The following KCNJ6 variants were observed in gnomAD, a reference collection of about 807,000 sequenced individuals.
KCNJ6 encodes potassium inwardly rectifying channel subfamily J member 6.
KCNJ6 carries 9 observed loss-of-function variants against 34.2 expected under a neutral mutation model. The observed-to-expected ratio is 0.26, with a 90% confidence interval of 0.16 to 0.46. The LOEUF is 0.46. Ranked by LOEUF, KCNJ6 falls within the 20% of genes least tolerant of loss-of-function variation. The pLI, the probability that KCNJ6 is intolerant of heterozygous loss-of-function variation, is 1.00. For missense variants in KCNJ6, 236 were observed against 531.3 expected (o/e 0.44, Z 5.46); for synonymous variants, 196 against 207.1 (o/e 0.95, Z 0.46).
chr21:37,795,310 G>A (rs1184673432), intron 2 of KCNJ6, among the ~76,000 whole-genome samples: 1 of 152,176 alleles, frequency 6.6e-6, no homozygotes, highest in Non-Finnish European at 1.5e-5. Flanking sequence ...TTCGGGTGAT[G>A]GAAGGTCACT....
At chr21:37,687,435 C>T (rs1601419886) in intron 3 of KCNJ6, among the ~76,000 whole-genome samples, 1 of 152,178 alleles carries the variant, frequency 6.6e-6, no homozygotes, top group Admixed American at 6.5e-5. Flanking sequence ...TTCATGTCTC[C>T]GTGCCATCTT....
chr21:37,645,222 C>A (rs1165466717), intron 3 of KCNJ6, among the ~76,000 whole-genome samples: 1 of 151,832 alleles, frequency 6.6e-6, no homozygotes, highest in Non-Finnish European at 1.5e-5. Context: ...TAAAATAAAA[C>A]AAATTTAGCT....
At chr21:37,802,225 G>C (rs2055272729) in intron 2 of KCNJ6, among the ~76,000 whole-genome samples, 1 of 152,150 alleles carries the variant, frequency 6.6e-6, no homozygotes, top group South Asian at 2.1e-4. Context: ...GTTGTTGCAG[G>C]GGGGAACACC....
intron 3 of KCNJ6, among the ~76,000 whole-genome samples, chr21:37,634,024 GACTC>G (rs2054345696): frequency 1.3e-5 from 2 of 152,154 alleles, no homozygotes; most frequent in Non-Finnish European, 2.9e-5. Flanking sequence ...AAACTGTAGG[GACTC>G]ACTCTATTAG....
At chr21:37,865,721 T>C (rs1252731508) in intron 1 of KCNJ6, among the ~76,000 whole-genome samples, 1 of 152,228 alleles carries the variant, frequency 6.6e-6, no homozygotes. Context: ...TGTCTGGTTT[T>C]TATGGGGTGG....
intron 2 of KCNJ6, among the ~76,000 whole-genome samples, chr21:37,829,858 C>A (rs975659918): frequency 4.6e-5 from 7 of 152,168 alleles, no homozygotes; most frequent in African/African-American, 1.7e-4. Context: ...CAGAGCCGGG[C>A]TTTCCATTAC....
chr21:37,816,004 C>T (rs1273870624), intron 2 of KCNJ6, among the ~76,000 whole-genome samples: 2 of 152,166 alleles, frequency 1.3e-5, no homozygotes, highest in African/African-American at 4.8e-5. Flanking sequence ...CCCTGAACAC[C>T]CATTTTTAGT....
At chr21:37,899,369 ATTG>A (rs2055805470) in intron 1 of KCNJ6, among the ~76,000 whole-genome samples, 1 of 152,206 alleles carries the variant, frequency 6.6e-6, no homozygotes, top group Admixed American at 6.5e-5. Context: ...TAGAAAAGCG[ATTG>A]TTAAGGAAAC....
In KCNJ6 at chr21:37,617,150, T is replaced by G. The variant is rs935644046; in HGVS notation, c.*8009A>C. On this transcript the variant is annotated 3_prime_UTR_variant, in exon 4 of 4. Coordinates refer to ENST00000609713, the MANE Select transcript of KCNJ6 (RefSeq NM_002240.5). Reference sequence around the variant, plus strand: ...TTCCTTCTTTCTTTCCTTCCTTCCTTCCTTCTTTCTTTATCTTTTTTCCTT... The same window carrying G: ...TTCCTTCTTTCTTTCCTTCCTTCCTGCCTTCTTTCTTTATCTTTTTTCCTT... The G allele has an allele frequency of 6.7e-6, 1 of 148,340 alleles. No homozygotes were observed. The highest frequency in any genetic ancestry group is 2.5e-5 in the African/African-American group (1 of 39,870). The allele number at this position is 148,340 out of a possible 1,614,324, so 9.2% of individuals were successfully genotyped here. A position where few individuals can be genotyped will look rare whatever the true frequency, so the allele number is the denominator to read the frequency against.
chr21:37,691,542 TA>T (rs1468020486), intron 3 of KCNJ6, among the ~76,000 whole-genome samples: 1 of 152,236 alleles, frequency 6.6e-6, no homozygotes, highest in East Asian at 1.9e-4. Flanking sequence ...GACCGACTTC[TA>T]AGGAGTTCCT....
chr21:37,657,423 A>C (rs2054469184), intron 3 of KCNJ6, among the ~76,000 whole-genome samples: 2 of 152,184 alleles, frequency 1.3e-5, no homozygotes. Flanking sequence ...GGTGAGGCTC[A>C]GCAGTGGGAG....
intron 2 of KCNJ6, among the ~76,000 whole-genome samples, chr21:37,832,516 T>G (rs909745814): frequency 2.0e-5 from 3 of 152,114 alleles, no homozygotes; most frequent in Non-Finnish European, 4.4e-5. Context: ...CATCTAGAAT[T>G]CTGACACCTG....
intron 1 of KCNJ6, among the ~76,000 whole-genome samples, chr21:37,877,133 G>A (rs2123618911): frequency 6.6e-6 from 1 of 152,284 alleles, no homozygotes; most frequent in East Asian, 1.9e-4. Context: ...AGAATGGTGG[G>A]ATTAAGTTAA....
In KCNJ6 at chr21:37,618,409, C is replaced by T. The variant is rs916033583; in HGVS notation, c.*6750G>A. The T allele has an allele frequency of 6.6e-5, 10 of 152,196 alleles. No individual in the cohort carries two copies. The highest frequency in any genetic ancestry group is 2.2e-4 in the African/African-American group (9 of 41,436). The allele number at this position is 152,196 out of a possible 1,614,324, so 9.4% of individuals were successfully genotyped here. On this transcript the variant is annotated 3_prime_UTR_variant, in exon 4 of 4. Coordinates refer to ENST00000609713, the MANE Select transcript of KCNJ6 (RefSeq NM_002240.5). ...TGCTTGAATGTTTTGTGATTTCTAT[C>T]AGAGTTTTAGAAACGATGATGATTA...
At chr21:37,848,171 G>A (rs568550102) in intron 1 of KCNJ6, among the ~76,000 whole-genome samples, 173 of 152,310 alleles carry the variant, frequency 1.1e-3, no homozygotes, top group African/African-American at 3.6e-3. Context: ...TGTGAAGACC[G>A]TGGCAACCCA....
chr21:37,644,856 A>C (rs1054534791), intron 3 of KCNJ6, among the ~76,000 whole-genome samples: 2 of 152,156 alleles, frequency 1.3e-5, no homozygotes, highest in African/African-American at 4.8e-5. Flanking sequence ...TTCTTCTTAA[A>C]GTTAAGGGAG....
chr21:37,796,918 C>T (rs1190023151), intron 2 of KCNJ6, among the ~76,000 whole-genome samples: 16 of 150,994 alleles, frequency 1.1e-4, no homozygotes, highest in African/African-American at 2.4e-4. Context: ...CTCAGCCTCC[C>T]GAGTAGCTGG....
chr21:37,756,387 G>A (rs935003039), intron 2 of KCNJ6, among the ~76,000 whole-genome samples: 9 of 152,218 alleles, frequency 5.9e-5, no homozygotes, highest in Non-Finnish European at 1.0e-4. Flanking sequence ...AGAATGGGTG[G>A]TGGGAGCAGG....
chr21:37,727,389 A>G, intron 2 of KCNJ6, among the ~76,000 whole-genome samples: 1 of 152,038 alleles, frequency 6.6e-6, no homozygotes. Flanking sequence ...GGAGTGAGGG[A>G]CGGTGAGTGT....
Sources: allele counts gnomAD v4.1 joint callset (sites outside exome capture counted in the v4.1 genomes callset), GRCh38; gene constraint gnomAD v4.1.1; transcripts MANE v1.5; gene names NCBI Gene and HGNC (gene_info 2026-07-23, HGNC 2026-07-21).